Variants in ADAM9 observed in about 807,000 individuals in gnomAD.
ADAM9 encodes disintegrin and metalloproteinase domain-containing protein 9.
A neutral mutation model predicts 108.1 loss-of-function variants in ADAM9; 54 were observed. That is an observed-to-expected ratio of 0.50 (90% CI 0.40 to 0.63). ADAM9 has a LOEUF of 0.63. ADAM9 is among the 20% of genes least tolerant of loss of function. The pLI, the probability that ADAM9 is intolerant of heterozygous loss-of-function variation, is 0.00. For synonymous variants in ADAM9, 316 were observed against 336.0 expected, an observed-to-expected ratio of 0.94 and a Z score of 0.65; for missense variants, 830 against 997.7, an observed-to-expected ratio of 0.83 and a Z score of 2.26.
rs557341830 is a variant in ADAM9, at chr8:39,097,541, C to T, written c.2299-4322C>T. Among the ~76,000 whole-genome samples the T allele has an allele frequency of 2.6e-5, 4 of 152,130 alleles. No individual in the cohort carries two copies. In the East Asian group the frequency reaches 5.8e-4, roughly 22 times the overall value. Reference sequence around the variant, plus strand: ...CAGGCTGGTCTCGAACTCCTGACCTCGTGATCCGCCCGCCCTGGCCTCCCA... The same window carrying T: ...CAGGCTGGTCTCGAACTCCTGACCTTGTGATCCGCCCGCCCTGGCCTCCCA... On this transcript the variant is annotated intron_variant, in intron 20 of 21. Coordinates refer to ENST00000487273, the MANE Select transcript of ADAM9 (RefSeq NM_003816.3).
chr8:39,022,924 G>T (rs574739033), intron 8 of ADAM9, among the ~76,000 whole-genome samples: 2 of 152,042 alleles, frequency 1.3e-5, no homozygotes, highest in Non-Finnish European at 2.9e-5. Context: ...TATTGGCCAG[G>T]TTGGTCTCCA....
At chr8:39,014,663 A>G in intron 4 of ADAM9, 1 of 679,218 alleles carries the variant, frequency 1.5e-6, no homozygotes, top group Non-Finnish European at 2.7e-6. Context: ...GTTAGGTATT[A>G]TACCTTTTTT....
chr8:39,077,465 A>C, intron 16 of ADAM9, 54 bp downstream of exon 16: 1 of 1,478,172 alleles, frequency 6.8e-7, no homozygotes, highest in South Asian at 1.3e-5. Flanking sequence ...TAAAAAAATT[A>C]TTATACATAG....
chr8:39,084,621 G>A (rs1036986356), intron 18 of ADAM9, among the ~76,000 whole-genome samples: 1 of 151,076 alleles, frequency 6.6e-6, no homozygotes, highest in African/African-American at 2.4e-5. Flanking sequence ...CCCAGAATGT[G>A]GTTTATCTTA....
chr8:39,033,979 G>GT (rs1171579574), intron 11 of ADAM9, among the ~76,000 whole-genome samples: 1 of 152,120 alleles, frequency 6.6e-6, no homozygotes, highest in Non-Finnish European at 1.5e-5. Flanking sequence ...CATCTATTGT[G>GT]TATCAGTTAA....
chr8:39,022,608 T>G (rs908875595), intron 8 of ADAM9, among the ~76,000 whole-genome samples: 8 of 152,202 alleles, frequency 5.3e-5, no homozygotes, highest in African/African-American at 1.9e-4. Flanking sequence ...AAACTTAATT[T>G]CCAGAGTTTG....
chr8:39,097,703 A>G (rs1269263663), intron 20 of ADAM9, among the ~76,000 whole-genome samples: 2 of 152,154 alleles, frequency 1.3e-5, no homozygotes, highest in Admixed American at 6.5e-5. Flanking sequence ...GAGGCCATAC[A>G]CCAATTAAAT....
intron 10 of ADAM9, 120 bp from the exon 11 acceptor site, chr8:39,026,557 T>A (rs1276000265): frequency 1.6e-6 from 2 of 1,264,854 alleles, no homozygotes; most frequent in Non-Finnish European, 1.1e-6. Context: ...GATGCTTGAT[T>A]TATCACGTAG....
chr8:39,002,459 C>T (rs1029654023), intron 1 of ADAM9, among the ~76,000 whole-genome samples: 1 of 151,658 alleles, frequency 6.6e-6, no homozygotes, highest in East Asian at 1.9e-4. Flanking sequence ...GCTGGGACTA[C>T]AGGCACGCAC....
intron 20 of ADAM9, among the ~76,000 whole-genome samples, chr8:39,096,150 T>G (rs1839498221): frequency 6.7e-6 from 1 of 149,734 alleles, no homozygotes; most frequent in African/African-American, 2.4e-5. Flanking sequence ...GAAACAAGCA[T>G]ATAGTGTGTA....
chr8:39,019,233 A>G (rs951153960), intron 7 of ADAM9, among the ~76,000 whole-genome samples: 1 of 152,142 alleles, frequency 6.6e-6, no homozygotes, highest in African/African-American at 2.4e-5. Context: ...TTTTCAGATT[A>G]CTTTAATGGG....
intron 14 of ADAM9, among the ~76,000 whole-genome samples, chr8:39,067,601 T>G (rs1460214446): frequency 6.6e-6 from 1 of 152,258 alleles, no homozygotes; most frequent in East Asian, 1.9e-4. Flanking sequence ...TTTTGTATCC[T>G]CAGACTTTGC....
chr8:39,045,098 GTGTGTGCATACATACATA>G (rs1564297250), intron 12 of ADAM9, among the ~76,000 whole-genome samples: 5 of 33,438 alleles, frequency 1.5e-4, no homozygotes, highest in African/African-American at 4.3e-4. Flanking sequence ...ATACATATGT[GTGTGTGCATACATACATA>G]TGTGTGTGTG....
chr8:39,005,815 CTTA>C (rs967981894), intron 1 of ADAM9, among the ~76,000 whole-genome samples: 1 of 152,124 alleles, frequency 6.6e-6, no homozygotes, highest in Admixed American at 6.5e-5. Context: ...AAGCTTTAGT[CTTA>C]TTATGCTTGG....
Position 39,014,005 on chromosome 8 carries a change from A to G in ADAM9, c.295A>G (p.Lys99Glu). The G allele has an allele frequency of 6.2e-7, 1 of 1,613,782 alleles. No homozygotes were observed. The highest frequency in any genetic ancestry group is 8.5e-7 in the Non-Finnish European group (1 of 1,179,772). ...PEDFVVYTYN[K>E]EGTLITDHPN... ...AGATTTTGTGGTTTATACTTACAAC[A>G]AGGAAGGGACTTTAATCACTGACCA... The change falls in exon 4 of 22, where the codon AAG (lysine) becomes GAG (glutamate). Residue 99 changes from lysine (K) to glutamate (E), a missense_variant. Around this residue, in one of 3 missense-constraint regions of ADAM9, gnomAD observed 211 missense variants for 222.2 expected, o/e 0.95. Coordinates refer to ENST00000487273, the MANE Select transcript of ADAM9 (RefSeq NM_003816.3).
intron 14 of ADAM9, among the ~76,000 whole-genome samples, chr8:39,066,617 ATTTG>A (rs1352335347): frequency 6.6e-6 from 1 of 152,062 alleles, no homozygotes; most frequent in Non-Finnish European, 1.5e-5. Context: ...TTTGTTGTAA[ATTTG>A]TTTGAGTTCT....
intron 21 of ADAM9, 117 bp from the exon 22 acceptor site, chr8:39,103,485 TGTACA>T: frequency 1.1e-6 from 1 of 951,058 alleles, no homozygotes; most frequent in Admixed American, 1.9e-5. Flanking sequence ...GATCTCAGAA[TGTACA>T]GTACCCTTTC....
chr8:39,060,293 C>T (rs1838258135), intron 14 of ADAM9, among the ~76,000 whole-genome samples: 1 of 152,248 alleles, frequency 6.6e-6, no homozygotes, highest in African/African-American at 2.4e-5. Flanking sequence ...TCTGTAACTG[C>T]TGCTTCAAGC....
chr8:39,066,366 C>T (rs572200553), intron 14 of ADAM9, among the ~76,000 whole-genome samples: 1 of 152,314 alleles, frequency 6.6e-6, no homozygotes, highest in South Asian at 2.1e-4. Context: ...ACAGTCCAAC[C>T]AACAGTGTAA....
Sources: allele counts gnomAD v4.1 joint callset (sites outside exome capture counted in the v4.1 genomes callset), GRCh38; gene constraint gnomAD v4.1.1; regional missense constraint gnomAD v4.1.1; transcripts MANE v1.5; gene names NCBI Gene and HGNC (gene_info 2026-07-23, HGNC 2026-07-21).